The following PXK variants were observed in gnomAD, a reference collection of about 807,000 sequenced individuals.
PXK encodes the protein PX domain-containing protein kinase-like protein.
Under a neutral mutation model 84.7 loss-of-function variants are expected in PXK, and 35 were observed. The observed-to-expected ratio is 0.41, with a 90% confidence interval of 0.32 to 0.55. PXK has a LOEUF of 0.55. Ranked by LOEUF, PXK falls within the 20% of genes least tolerant of loss-of-function variation. The pLI is 0.21. For missense variants in PXK, 634 were observed against 699.7 expected (o/e 0.91, Z 1.06); for synonymous variants, 253 against 260.8 (o/e 0.97, Z 0.29).
intron 1 of PXK, among the ~76,000 whole-genome samples, chr3:58,363,846 TC>T (rs2098228811): frequency 6.6e-6 from 1 of 152,200 alleles, no homozygotes. Context: ...TACTGAGTCT[TC>T]CACCATTAAG....
At chr3:58,352,174 C>A (rs2097943141) in intron 1 of PXK, among the ~76,000 whole-genome samples, 1 of 152,168 alleles carries the variant, frequency 6.6e-6, no homozygotes, top group African/African-American at 2.4e-5. Flanking sequence ...TGTGGCTGAT[C>A]ATGACACAGT....
intron 1 of PXK, among the ~76,000 whole-genome samples, chr3:58,347,950 G>C (rs762872451): frequency 1.3e-5 from 2 of 152,180 alleles, no homozygotes; most frequent in Non-Finnish European, 2.9e-5. Flanking sequence ...GTCTCACTCT[G>C]TTGCCCAGGC....
In PXK at chr3:58,425,149, C is replaced by A. The variant is rs1288483207; in HGVS notation, c.*189C>A. The A allele has an allele frequency of 5.8e-6, 5 of 866,910 alleles. No individual in the cohort carries two copies. The Admixed American group carries it at 1.2e-4, about 21-fold the overall frequency. 53.7% of individuals were successfully genotyped at this position (866,910 alleles called of 1,614,324 possible). The stretch of plus-strand genomic sequence containing the variant: ...TTTAAGCAGAATAAAGTTAGGCTGG[C>A]ATTGCTCCCTTAAGATCTTGCTCCT... On this transcript the variant is annotated 3_prime_UTR_variant, in exon 18 of 18. Coordinates refer to ENST00000356151, the MANE Select transcript of PXK (RefSeq NM_017771.5).
At chr3:58,368,920 G>A (rs2098322630) in intron 2 of PXK, among the ~76,000 whole-genome samples, 1 of 152,192 alleles carries the variant, frequency 6.6e-6, no homozygotes, top group Non-Finnish European at 1.5e-5. Context: ...GTCAAGAGGG[G>A]GAACCCTGGG....
chr3:58,355,133 GAA>G (rs35563568), intron 1 of PXK, among the ~76,000 whole-genome samples: 2 of 59,912 alleles, frequency 3.3e-5, no homozygotes, highest in Non-Finnish European at 2.6e-5. Context: ...CAAAGAAAAG[GAA>G]AAAAAAAAAA....
chr3:58,352,418 A>G (rs1404973731), intron 1 of PXK, among the ~76,000 whole-genome samples: 1 of 152,248 alleles, frequency 6.6e-6, no homozygotes, highest in Non-Finnish European at 1.5e-5. Flanking sequence ...GTTGTTGTCT[A>G]TTCTAGCCTA....
intron 1 of PXK, among the ~76,000 whole-genome samples, chr3:58,341,021 C>T (rs1423320167): frequency 6.6e-6 from 1 of 150,922 alleles, no homozygotes; most frequent in Non-Finnish European, 1.5e-5. Flanking sequence ...TCAGTGCCTT[C>T]CTTTGCAAGC....
chr3:58,361,295 C>CAAAAAAA (rs149879171), intron 1 of PXK, among the ~76,000 whole-genome samples: 1 of 64,764 alleles, frequency 1.5e-5, no homozygotes, highest in African/African-American at 6.7e-5. Flanking sequence ...GACTCTGTCT[C>CAAAAAAA]AAAAAAAAAA....
chr3:58,408,994 A>G lies in PXK; in HGVS notation c.1301A>G (p.Gln434Arg), dbSNP rs775403935. Reference protein sequence around the residue: ...ECIEKRLIEEQKQIHQHRRLT... With the variant: ...ECIEKRLIEERKQIHQHRRLT... ...ATAGAGAAGAGACTAATTGAGGAAC[A>G]GAAACAGGTAAATTGATAACGGTTC... The change falls in exon 14 of 18, where the codon CAG (glutamine) becomes CGG (arginine). Residue 434 changes from glutamine (Q) to arginine (R), a missense_variant. Physicochemically the swap from Gln to Arg is conservative, Grantham distance 43. Coordinates refer to ENST00000356151, the MANE Select transcript of PXK (RefSeq NM_017771.5). 1 of 1,577,108 alleles carries G rather than the reference A, an allele frequency of 6.3e-7. No individual in the cohort carries two copies. The highest frequency in any genetic ancestry group is 1.1e-5 in the South Asian group (1 of 90,074).
At chr3:58,347,041 A>G (rs1019556259) in intron 1 of PXK, among the ~76,000 whole-genome samples, 1 of 152,094 alleles carries the variant, frequency 6.6e-6, no homozygotes, top group Non-Finnish European at 1.5e-5. Flanking sequence ...GGGTTTCACC[A>G]TGTTGGCCAG....
At chr3:58,358,103 C>G (rs2098122273) in intron 1 of PXK, among the ~76,000 whole-genome samples, 1 of 152,216 alleles carries the variant, frequency 6.6e-6, no homozygotes, top group African/African-American at 2.4e-5. Flanking sequence ...ATAATTGAAT[C>G]AAGCCAATGA....
rs1160895291 is a variant in PXK, at chr3:58,334,959, C to CTGTGTGTG, written c.102+1889_102+1896dup. On this transcript the variant is annotated intron_variant, in intron 1 of 17. Coordinates refer to ENST00000356151, the MANE Select transcript of PXK (RefSeq NM_017771.5). ...TGTGTGTGTGTGTGTGTGTGTGTGT[C>CTGTGTGTG]TGTGTGTGTGTGTGTGTGTGTGTGT... is the stretch of plus-strand genomic sequence containing the variant. Among the ~76,000 whole-genome samples, 157 of 125,636 alleles carry CTGTGTGTG rather than the reference C, an allele frequency of 1.2e-3. No individual in the cohort carries two copies. In the East Asian group the frequency reaches 0.015, roughly 12 times the overall value. 82.4% of individuals were successfully genotyped at this position (125,636 alleles called of 152,430 possible).
At chr3:58,413,148 T>G in intron 17 of PXK, 185 bp downstream of exon 17, 2 of 669,778 alleles carry the variant, frequency 3.0e-6, no homozygotes, top group Non-Finnish European at 5.1e-6. Context: ...ATTTCCAAGC[T>G]CGGCTTTCAC....
In PXK at chr3:58,409,575, G is replaced by A. The variant is rs1366311857; in HGVS notation, c.1352G>A (p.Gly451Glu). The change falls in exon 15 of 18, where the codon GGA (glycine) becomes GAA (glutamate). Residue 451 changes from glycine to glutamate, a missense_variant. Coordinates refer to ENST00000356151, the MANE Select transcript of PXK (RefSeq NM_017771.5). The surrounding 1 kb of genome is among the most constrained non-coding windows in gnomAD (Gnocchi z 4.2). The part of the protein sequence containing the change: ...RRLTRAQSHH[G>E]SEEERKKRKI... ...CTGACAAGAGCTCAGTCCCACCATG[G>A]ATCTGAGGAGGAAAGAAAAAAAAGA... 6 of 1,613,054 alleles carry A rather than the reference G, an allele frequency of 3.7e-6. No individual in the cohort carries two copies. The highest frequency in any genetic ancestry group is 1.3e-5 in the African/African-American group (1 of 74,768).
intron 12 of PXK, among the ~76,000 whole-genome samples, chr3:58,403,153 C>T (rs1360987300): frequency 1.3e-5 from 2 of 151,970 alleles, no homozygotes; most frequent in South Asian, 2.1e-4. Flanking sequence ...AATAGGCACG[C>T]ACCACCACAC....
At chr3:58,343,705 T>G (rs2097772564) in intron 1 of PXK, among the ~76,000 whole-genome samples, 1 of 152,228 alleles carries the variant, frequency 6.6e-6, no homozygotes, top group African/African-American at 2.4e-5. Context: ...GTCTATGTAT[T>G]GCTGGGTTGA....
chr3:58,423,654 T>C (rs1474584795), intron 17 of PXK, among the ~76,000 whole-genome samples: 1 of 152,300 alleles, frequency 6.6e-6, no homozygotes, highest in East Asian at 1.9e-4. Context: ...AGTAGCAGTG[T>C]AGGGGAAACC....
rs2061653496 is a variant in PXK at position 58,420,444 on chromosome 3, T to C, written c.1529-4308T>C. On this transcript the variant is annotated intron_variant, in intron 17 of 17. Transcript: ENST00000356151. ...AATCAGCTTGTGATTCAGACTAATA[T>C]TTTACTGTCTGTTACTATTTGATTA... 2.8e-6 allele frequency: 4 copies of C among 1,445,316 alleles called. No individual in the cohort carries two copies. In the African/African-American group the frequency reaches 4.2e-5, roughly 15 times the overall value. 89.5% of individuals were successfully genotyped at this position (1,445,316 alleles called of 1,614,324 possible).
At chr3:58,371,546 G>T (rs1361403939) in intron 3 of PXK, among the ~76,000 whole-genome samples, 2 of 152,208 alleles carry the variant, frequency 1.3e-5, no homozygotes, top group Non-Finnish European at 2.9e-5. Flanking sequence ...GGCCGAGTAA[G>T]AATTGTGGGA....
Sources: allele counts gnomAD v4.1 joint callset (sites outside exome capture counted in the v4.1 genomes callset), GRCh38; gene constraint gnomAD v4.1.1; non-coding constraint Gnocchi (gnomAD v3.1); transcripts MANE v1.5; gene names NCBI Gene and HGNC (gene_info 2026-07-23, HGNC 2026-07-21).